ARL8B: variants seen among roughly 807,000 people sequenced by gnomAD.
ARL8B encodes the protein ARF like GTPase 8B.
A neutral mutation model predicts 30.6 loss-of-function variants in ARL8B; 9 were observed. The observed-to-expected ratio is 0.29, with a 90% CI of 0.18 to 0.51. ARL8B has a LOEUF of 0.51. Ranked by LOEUF, ARL8B falls within the 20% of genes least tolerant of loss-of-function variation. The pLI is 0.97. For missense variants in ARL8B, 130 were observed against 227.2 expected (o/e 0.57, Z 2.75); for synonymous variants, 74 against 76.0 (o/e 0.97, Z 0.14).
In ARL8B at chr3:5,131,476, C is replaced by T. The variant is rs561060605; in HGVS notation, c.123+8888C>T. Among the ~76,000 whole-genome samples the T allele has an allele frequency of 5.3e-4, 80 of 151,490 alleles. 3 individuals carry two copies. The highest frequency in any genetic ancestry group is 2.7e-4 in the Non-Finnish European group (18 of 67,798). On this transcript the variant is annotated intron_variant, in intron 1 of 6. Transcript: ENST00000256496. ...CGCGATCTCGGCTCACTGCAACCTC[C>T]GCCTCCCGAGTTCAAGCGATTCTCC...
chr3:5,170,038 A>G (rs1406702808), intron 1 of ARL8B, among the ~76,000 whole-genome samples: 3 of 152,236 alleles, frequency 2.0e-5, no homozygotes, highest in Admixed American at 2.0e-4. Flanking sequence ...GATTACATAA[A>G]AGGAAAAACT....
At chr3:5,159,109 C>T (rs1274895723) in intron 1 of ARL8B, among the ~76,000 whole-genome samples, 4 of 151,288 alleles carry the variant, frequency 2.6e-5, no homozygotes, top group South Asian at 4.2e-4. Context: ...TGCACCACCA[C>T]GCCTGGCTCA....
chr3:5,170,482 C>G, intron 1 of ARL8B, 21 bp from the exon 2 acceptor site: 1 of 1,575,408 alleles, frequency 6.3e-7, no homozygotes, highest in Non-Finnish European at 8.7e-7. Flanking sequence ...AGCCTAACTT[C>G]AAATGTTTTA....
intron 1 of ARL8B, among the ~76,000 whole-genome samples, chr3:5,125,902 G>T (rs1291801570): frequency 6.6e-6 from 1 of 152,066 alleles, no homozygotes; most frequent in Non-Finnish European, 1.5e-5. Context: ...GAAAAAAAAA[G>T]TCACAAAGAT....
chr3:5,134,603 G>A (rs1002175790), intron 1 of ARL8B, among the ~76,000 whole-genome samples: 11 of 152,148 alleles, frequency 7.2e-5, no homozygotes, highest in South Asian at 2.1e-4. Context: ...AGGTAAACAC[G>A]TAGATAGTGT....
At chr3:5,123,976 C>A (rs529794281) in intron 1 of ARL8B, among the ~76,000 whole-genome samples, 4 of 152,162 alleles carry the variant, frequency 2.6e-5, no homozygotes, top group African/African-American at 4.8e-5. Flanking sequence ...CAGGTTCAAG[C>A]GATTTTCCTG....
intron 1 of ARL8B, among the ~76,000 whole-genome samples, chr3:5,135,996 C>T (rs1004643989): frequency 3.3e-5 from 5 of 151,176 alleles, no homozygotes; most frequent in Non-Finnish European, 7.4e-5. Flanking sequence ...CCATGTTGCC[C>T]AGGCTGATGT....
At chr3:5,156,590 A>G (rs1012508527) in intron 1 of ARL8B, among the ~76,000 whole-genome samples, 3 of 151,814 alleles carry the variant, frequency 2.0e-5, no homozygotes, top group African/African-American at 7.3e-5. Context: ...GAATTTTTGT[A>G]TTTTCAGTAG....
chr3:5,165,558 G>T (rs1467995790), intron 1 of ARL8B, among the ~76,000 whole-genome samples: 1 of 151,876 alleles, frequency 6.6e-6, no homozygotes, highest in Non-Finnish European at 1.5e-5. Flanking sequence ...AGCTTCTTCT[G>T]TACTGTACCA....
At chr3:5,175,052 C>T (rs928705586) in intron 6 of ARL8B, among the ~76,000 whole-genome samples, 8 of 152,014 alleles carry the variant, frequency 5.3e-5, no homozygotes, top group Non-Finnish European at 8.8e-5. Context: ...CCAACTGCCT[C>T]GGCCCCCCAA....
chr3:5,178,020 G>C (rs2054745171), intron 6 of ARL8B, among the ~76,000 whole-genome samples: 1 of 152,208 alleles, frequency 6.6e-6, no homozygotes, highest in Non-Finnish European at 1.5e-5. Flanking sequence ...CAGGCTTGGA[G>C]AATAGAGTGG....
Position 5,155,010 on chromosome 3 carries a change from C to A in ARL8B, c.124-15493C>A, listed in dbSNP as rs182628589. Among the ~76,000 whole-genome samples the A allele has an allele frequency of 3.0e-4, 46 of 152,342 alleles. 1 individual carries two copies. The highest frequency in any genetic ancestry group is 2.4e-3 in the Admixed American group (37 of 15,304). On this transcript the variant is annotated intron_variant, in intron 1 of 6. Coordinates refer to ENST00000256496, the MANE Select transcript of ARL8B (RefSeq NM_018184.3). Reference sequence around the variant, plus strand: ...TCAGCCTCCCAAAGTGCTGGGATTACAGGCCTGAGCTCCTGGGCTTGGCCC... The same window carrying A: ...TCAGCCTCCCAAAGTGCTGGGATTAAAGGCCTGAGCTCCTGGGCTTGGCCC...
At chr3:5,177,697 C>T (rs2054742580) in intron 6 of ARL8B, among the ~76,000 whole-genome samples, 1 of 152,118 alleles carries the variant, frequency 6.6e-6, no homozygotes, top group Non-Finnish European at 1.5e-5. Context: ...CTCAGGTGAT[C>T]ACCTGCCTCG....
intron 1 of ARL8B, among the ~76,000 whole-genome samples, chr3:5,138,410 T>G (rs2054345723): frequency 6.6e-6 from 1 of 152,230 alleles, no homozygotes; most frequent in Non-Finnish European, 1.5e-5. Flanking sequence ...AAGTTTAAAC[T>G]TAGGTTCAAA....
chr3:5,180,427 T>TA lies in ARL8B; in HGVS notation c.*1715dup, dbSNP rs2054768310. Reference sequence around the variant, plus strand: ...ACCATTAATGGTCAGTGTGAACCATTACAAAGAATGTGGCAACTTGCTTGT... The same window carrying TA: ...ACCATTAATGGTCAGTGTGAACCATTAACAAAGAATGTGGCAACTTGCTTGT... On this transcript the variant is annotated 3_prime_UTR_variant, in exon 7 of 7. Coordinates refer to ENST00000256496, the MANE Select transcript of ARL8B (RefSeq NM_018184.3). 6.6e-6 allele frequency: 1 copy of TA among 152,326 alleles called. No individual in the cohort carries two copies. Among genetic ancestry groups the TA allele is most frequent in the Non-Finnish European group, 1.5e-5 (1 of 68,050 alleles). 9.4% of individuals were successfully genotyped at this position (152,326 alleles called of 1,614,324 possible). A position where few individuals can be genotyped will look rare whatever the true frequency, so the allele number is the denominator to read the frequency against.
At position 5,122,729 on chromosome 3, in the gene ARL8B, C is replaced by G; in HGVS notation, c.123+141C>G. The G allele has an allele frequency of 3.1e-6, 3 of 973,522 alleles. No individual in the cohort carries two copies. The South Asian group carries it at 5.4e-5, about 17-fold the overall frequency. 60.3% of individuals were successfully genotyped at this position (973,522 alleles called of 1,614,324 possible). On this transcript the variant is annotated intron_variant, in intron 1 of 6. Coordinates refer to ENST00000256496, the MANE Select transcript of ARL8B (RefSeq NM_018184.3). Reference sequence around the variant, plus strand: ...GTGCGAAGCTGGGCCTGTCATCTCCCGAGGGCCAGCATTTGGAATTTCCCG... The same window carrying G: ...GTGCGAAGCTGGGCCTGTCATCTCCGGAGGGCCAGCATTTGGAATTTCCCG...
chr3:5,164,600 T>C (rs2054608717), intron 1 of ARL8B, among the ~76,000 whole-genome samples: 1 of 152,214 alleles, frequency 6.6e-6, no homozygotes, highest in Non-Finnish European at 1.5e-5. Flanking sequence ...GAGGCCCTTG[T>C]TTTCTAAGTA....
At chr3:5,164,405 A>G (rs150178676) in intron 1 of ARL8B, among the ~76,000 whole-genome samples, 3 of 152,360 alleles carry the variant, frequency 2.0e-5, no homozygotes, top group East Asian at 1.9e-4. Flanking sequence ...GATTATTTCT[A>G]TTTAAAATTT....
At chr3:5,175,324 A>G (rs2054719935) in intron 6 of ARL8B, among the ~76,000 whole-genome samples, 1 of 152,218 alleles carries the variant, frequency 6.6e-6, no homozygotes, top group Non-Finnish European at 1.5e-5. Context: ...TGTGCTATTT[A>G]AAGAAGAAAA....
Sources: gnomAD v4.1 joint callset for allele counts (sites outside exome capture counted in the v4.1 genomes callset) on GRCh38, gnomAD v4.1.1 for gene constraint, MANE v1.5 for transcripts, NCBI Gene and HGNC (gene_info 2026-07-23, HGNC 2026-07-21) for gene names.